Variants in CADPS observed in about 807,000 individuals in gnomAD.
The protein encoded by CADPS is calcium-dependent secretion activator 1.
Under a neutral mutation model 167.3 loss-of-function variants are expected in CADPS, and 57 were observed. The observed-to-expected ratio is 0.34, with a 90% CI of 0.28 to 0.42. The LOEUF (loss-of-function observed/expected upper bound fraction) is 0.42. CADPS is among the 20% of genes least tolerant of loss of function. The pLI is 1.00. For missense variants in CADPS, 1,414 were observed against 1,738.1 expected (o/e 0.81, Z 3.32); for synonymous variants, 676 against 635.3 (o/e 1.06, Z -0.96).
intron 28 of CADPS, among the ~76,000 whole-genome samples, chr3:62,410,526 T>A (rs575266205): frequency 6.6e-6 from 1 of 152,234 alleles, no homozygotes; most frequent in South Asian, 2.1e-4. Context: ...TGAGAGGCAG[T>A]GCAACCTGTG....
At chr3:62,782,258 C>T (rs1157738820) in intron 1 of CADPS, among the ~76,000 whole-genome samples, 1 of 152,202 alleles carries the variant, frequency 6.6e-6, no homozygotes, top group Non-Finnish European at 1.5e-5. Context: ...TCAGGACTTA[C>T]TGTTCAAATT....
At chr3:62,783,169 C>T (rs2091963386) in intron 1 of CADPS, among the ~76,000 whole-genome samples, 2 of 152,250 alleles carry the variant, frequency 1.3e-5, no homozygotes, top group South Asian at 4.1e-4. Context: ...CAAAGGTGAC[C>T]TAAGTCATCA....
intron 24 of CADPS, among the ~76,000 whole-genome samples, chr3:62,468,886 G>C (rs1008053329): frequency 6.6e-6 from 1 of 152,106 alleles, no homozygotes; most frequent in Non-Finnish European, 1.5e-5. Flanking sequence ...TTGCAGTGGG[G>C]CTAGAATTAT....
intron 3 of CADPS, among the ~76,000 whole-genome samples, chr3:62,736,348 C>A (rs1209370171): frequency 4.6e-5 from 7 of 152,188 alleles, no homozygotes; most frequent in Non-Finnish European, 8.8e-5. Context: ...ATTAAAAACT[C>A]AGTTAATTCC....
intron 3 of CADPS, among the ~76,000 whole-genome samples, chr3:62,664,919 C>G (rs943154777): frequency 6.6e-6 from 1 of 152,152 alleles, no homozygotes; most frequent in Non-Finnish European, 1.5e-5. Flanking sequence ...TTCTTTTATT[C>G]ATTACTTCAC....
At chr3:62,537,538 A>G (rs1476330674) in intron 11 of CADPS, among the ~76,000 whole-genome samples, 1 of 152,218 alleles carries the variant, frequency 6.6e-6, no homozygotes, top group Non-Finnish European at 1.5e-5. Context: ...CTCTCCTGAT[A>G]CGCAGACTTT....
At chr3:62,683,056 T>C (rs2077405912) in intron 3 of CADPS, among the ~76,000 whole-genome samples, 1 of 152,012 alleles carries the variant, frequency 6.6e-6, no homozygotes, top group Non-Finnish European at 1.5e-5. Flanking sequence ...AGCAGGTCAG[T>C]GTGGCTGGAG....
chr3:62,776,555 G>A (rs2090356112), intron 1 of CADPS, among the ~76,000 whole-genome samples: 1 of 152,208 alleles, frequency 6.6e-6, no homozygotes, highest in African/African-American at 2.4e-5. Context: ...TTGGGAGGCT[G>A]AGGCAGGAGA....
chr3:62,631,109 T>C (rs2065190609), intron 6 of CADPS, among the ~76,000 whole-genome samples: 1 of 149,322 alleles, frequency 6.7e-6, no homozygotes, highest in Non-Finnish European at 1.5e-5. Flanking sequence ...ATCTGTATAA[T>C]ACACACACAC....
At chr3:62,572,950 C>A (rs1038666805) in intron 8 of CADPS, among the ~76,000 whole-genome samples, 3 of 152,140 alleles carry the variant, frequency 2.0e-5, no homozygotes, top group Non-Finnish European at 4.4e-5. Flanking sequence ...GGCATGATTT[C>A]AGCTCACTGC....
intron 21 of CADPS, among the ~76,000 whole-genome samples, chr3:62,483,278 C>T (rs2062277084): frequency 6.9e-6 from 1 of 144,460 alleles, no homozygotes; most frequent in African/African-American, 2.6e-5. Flanking sequence ...AGAGCTGGAG[C>T]TGCCTCTGGG....
intron 6 of CADPS, 91 bp downstream of exon 6, chr3:62,645,630 TG>T (rs1165071848): frequency 7.2e-7 from 1 of 1,387,752 alleles, no homozygotes; most frequent in African/African-American, 1.5e-5. Flanking sequence ...TCGTATCTTC[TG>T]GGGAAACCAG....
chr3:62,822,782 C>T (rs1488167907), intron 1 of CADPS, among the ~76,000 whole-genome samples: 1 of 152,024 alleles, frequency 6.6e-6, no homozygotes, highest in Non-Finnish European at 1.5e-5. Flanking sequence ...GTGGAGGTTG[C>T]AGTGAGCCAA....
intron 3 of CADPS, among the ~76,000 whole-genome samples, chr3:62,702,620 G>T (rs530131171): frequency 1.3e-5 from 2 of 152,202 alleles, no homozygotes; most frequent in South Asian, 4.1e-4. Flanking sequence ...GAGTTACTGG[G>T]ATGGTTTTAA....
intron 6 of CADPS, among the ~76,000 whole-genome samples, chr3:62,637,338 A>T (rs557652793): frequency 6.6e-6 from 1 of 152,290 alleles, no homozygotes; most frequent in South Asian, 2.1e-4. Context: ...AGTGCCTGGT[A>T]CTTAGATTTC....
chr3:62,620,278 T>C (rs938915649), intron 6 of CADPS, among the ~76,000 whole-genome samples: 2 of 152,096 alleles, frequency 1.3e-5, no homozygotes, highest in Non-Finnish European at 2.9e-5. Context: ...GAGCCTATTA[T>C]GTGTTTGGTG....
intron 28 of CADPS, among the ~76,000 whole-genome samples, chr3:62,434,820 T>C (rs2054652273): frequency 1.3e-5 from 2 of 152,144 alleles, no homozygotes; most frequent in Non-Finnish European, 2.9e-5. Flanking sequence ...CATCCAGCCT[T>C]TTCTACAAGG....
chr3:62,692,701 T>C (rs1372952505), intron 3 of CADPS, among the ~76,000 whole-genome samples: 6 of 152,054 alleles, frequency 3.9e-5, no homozygotes, highest in African/African-American at 1.2e-4. Flanking sequence ...AACAATACCA[T>C]CTACCTGGTC....
chr3:62,709,699 G>A (rs901096851), intron 3 of CADPS, among the ~76,000 whole-genome samples: 13 of 152,036 alleles, frequency 8.6e-5, no homozygotes, highest in African/African-American at 2.7e-4. Flanking sequence ...ATTTCAACAC[G>A]CTCCCCAAGT....
Sources: gnomAD v4.1 joint callset for allele counts (sites outside exome capture counted in the v4.1 genomes callset) on GRCh38, gnomAD v4.1.1 for gene constraint, MANE v1.5 for transcripts, NCBI Gene and HGNC (gene_info 2026-07-23, HGNC 2026-07-21) for gene names.